The following ADAMTS2 variants were observed in gnomAD, a reference collection of about 807,000 sequenced individuals.
ADAMTS2 encodes the protein ADAM metallopeptidase with thrombospondin type 1 motif 2.
In ADAMTS2, 50 loss-of-function variants were observed where a neutral mutation model predicts 123.0. That is an observed-to-expected ratio of 0.41 (90% CI 0.32 to 0.51). ADAMTS2 has a LOEUF of 0.51. Among genes scored for constraint, ADAMTS2 ranks in the 20% least tolerant of loss-of-function variants. The pLI is 0.35. For missense variants in ADAMTS2, 1,494 were observed against 1,705.2 expected, an observed-to-expected ratio of 0.88 and a Z score of 2.18; for synonymous variants, 678 against 695.4, an observed-to-expected ratio of 0.98 and a Z score of 0.39.
Position 179,228,304 on chromosome 5 carries a change from A to G in ADAMTS2, c.689-20589T>C, listed in dbSNP as rs1008614992. ...ACAAGTAAGACACATAGAAAACCTG[A>G]GGCCCACAGAGGTGACAGGAACGGG... On this transcript the variant is annotated intron_variant, in intron 3 of 21. Coordinates refer to ENST00000251582, the MANE Select transcript of ADAMTS2 (RefSeq NM_014244.5). This position sits in a 1 kb window ranked among gnomAD's most constrained non-coding sequence, Gnocchi z 5.2. Among the ~76,000 whole-genome samples, 5 of 152,210 alleles carry G rather than the reference A, an allele frequency of 3.3e-5. No individual in the cohort carries two copies. The highest frequency in any genetic ancestry group is 1.2e-4 in the African/African-American group (5 of 41,466).
rs146217716 is a variant in ADAMTS2, at chr5:179,272,944, G to A, written c.655C>T (p.Pro219Ser). The change falls in exon 3 of 22, where the codon CCT becomes TCT. Residue 219 changes from proline to serine, a missense_variant. Transcript: ENST00000251582. The surrounding 1 kb of genome is among the most constrained non-coding windows in gnomAD (Gnocchi z 5.8). ...AGGGCCTGTGGCCCCCCGAGAGGAG[G>A]GGACGTGGGTGGCCGGCGATACACC... ...HVVYRRPPTSPPLGGPQALDT... is the reference protein window; with the variant it reads ...HVVYRRPPTSSPLGGPQALDT... The A allele has an allele frequency of 4.1e-5, 66 of 1,611,724 alleles. No individual in the cohort carries two copies. The highest frequency in any genetic ancestry group is 5.3e-5 in the Non-Finnish European group (63 of 1,179,994).
At chr5:179,154,327 CACCG>C (rs1369173743) in intron 7 of ADAMTS2, 135 bp from the exon 8 acceptor site, 27 of 1,269,574 alleles carry the variant, frequency 2.1e-5, no homozygotes, top group Non-Finnish European at 2.7e-5. Context: ...AGCCGGGTGG[CACCG>C]ACCATCTACC....
At chr5:179,247,615 C>T (rs1765831220) in intron 3 of ADAMTS2, among the ~76,000 whole-genome samples, 1 of 152,116 alleles carries the variant, frequency 6.6e-6, no homozygotes, top group South Asian at 2.1e-4. Flanking sequence ...AAAAGAGAGT[C>T]TTGAAATCCA....
At chr5:179,267,005 C>T (rs911383610) in intron 3 of ADAMTS2, among the ~76,000 whole-genome samples, 1 of 152,186 alleles carries the variant, frequency 6.6e-6, no homozygotes, top group Non-Finnish European at 1.5e-5. Flanking sequence ...GGGCGCCATC[C>T]CCACCTTGGG....
In ADAMTS2 at chr5:179,132,367, C is replaced by T. The variant is rs1243530036; in HGVS notation, c.2210-57G>A. 9.7e-6 allele frequency: 15 copies of T among 1,544,262 alleles called. No individual in the cohort carries two copies. The Admixed American group carries it at 1.0e-4, about 10-fold the overall frequency. ...GAGAAGGGAAGGCGCCGCTCAAATT[C>T]GCACCATGCAAGGAGGGGCCTCGCT... On this transcript the variant is annotated intron_variant, in intron 14 of 21. Coordinates refer to ENST00000251582, the MANE Select transcript of ADAMTS2 (RefSeq NM_014244.5). This position sits in a 1 kb window ranked among gnomAD's most constrained non-coding sequence, Gnocchi z 6.1.
intron 3 of ADAMTS2, among the ~76,000 whole-genome samples, chr5:179,254,734 A>G (rs1357496662): frequency 6.6e-6 from 1 of 152,224 alleles, no homozygotes; most frequent in South Asian, 2.1e-4. Flanking sequence ...GATGGCGTCA[A>G]AGATGCACAG....
intron 2 of ADAMTS2, among the ~76,000 whole-genome samples, chr5:179,295,868 G>A (rs458267): frequency 5.9e-5 from 9 of 152,234 alleles, no homozygotes; most frequent in African/African-American, 2.2e-4. Flanking sequence ...GAAACCACTA[G>A]TGGGGCCTGT....
At chr5:179,265,954 C>T (rs74611093) in intron 3 of ADAMTS2, among the ~76,000 whole-genome samples, 158 of 152,348 alleles carry the variant, frequency 1.0e-3, no homozygotes, top group African/African-American at 3.7e-3. Flanking sequence ...AGCGCCGAGG[C>T]GCTGAACTCA....
chr5:179,209,550 A>ACACACACGCACACACACACG (rs1491504951), intron 3 of ADAMTS2, among the ~76,000 whole-genome samples: 1 of 149,192 alleles, frequency 6.7e-6, no homozygotes, highest in African/African-American at 2.6e-5. Context: ...ACACACATGT[A>ACACACACGCACACACACACG]CACACACACA....
chr5:179,204,926 T>C (rs539326698), intron 4 of ADAMTS2, among the ~76,000 whole-genome samples: 1 of 152,232 alleles, frequency 6.6e-6, no homozygotes, highest in Non-Finnish European at 1.5e-5. Flanking sequence ...TGCTCACTTC[T>C]GTGCAACAGG....
At position 179,308,949 on chromosome 5, in the gene ADAMTS2, T is replaced by C. The variant is rs1224399766; in HGVS notation, c.534+34818A>G. Among the ~76,000 whole-genome samples the C allele has an allele frequency of 1.3e-5, 2 of 152,144 alleles. No individual in the cohort carries two copies. The highest frequency in any genetic ancestry group is 2.9e-5 in the Non-Finnish European group (2 of 68,016). ...TCTTCTAGGAGGACAGGCCAGGCCA[T>C]GGTGAGGCCCTGGGTCCAGGGAAAG... On this transcript the variant is annotated intron_variant, in intron 2 of 21. Coordinates refer to ENST00000251582, the MANE Select transcript of ADAMTS2 (RefSeq NM_014244.5). The surrounding 1 kb of genome is among the most constrained non-coding windows in gnomAD (Gnocchi z 6.6).
chr5:179,160,387 G>A (rs1265718669), intron 5 of ADAMTS2, among the ~76,000 whole-genome samples: 3 of 152,180 alleles, frequency 2.0e-5, no homozygotes, highest in Non-Finnish European at 4.4e-5. Context: ...GGAGGTGGAG[G>A]TTGCAGTGAG....
At chr5:179,193,608 A>G (rs960764664) in intron 4 of ADAMTS2, among the ~76,000 whole-genome samples, 1 of 152,184 alleles carries the variant, frequency 6.6e-6, no homozygotes, top group Non-Finnish European at 1.5e-5. Flanking sequence ...ACACCCACAG[A>G]TAGAGTTCAT....
Position 179,129,938 on chromosome 5 carries a change from G to A in ADAMTS2, c.2451C>T (p.Thr817=), listed in dbSNP as rs138564815. Residue 817 remains threonine, a synonymous_variant, in exon 16 of 22, where the codon ACC becomes ACT. Transcript: ENST00000251582. This position sits in a 1 kb window ranked among gnomAD's most constrained non-coding sequence, Gnocchi z 4.1. ...QTMGPLHGTI[T]VLVIPVGDTR... Reference sequence around the variant, plus strand: ...CAGCCCTGCTTGGACTCACCAGAACGGTGATGGTGCCGTGGAGGGGGCCCA... The same window carrying A: ...CAGCCCTGCTTGGACTCACCAGAACAGTGATGGTGCCGTGGAGGGGGCCCA... 2.4e-5 allele frequency: 39 copies of A among 1,613,758 alleles called. No homozygotes were observed. Among genetic ancestry groups the A allele is most frequent in the Non-Finnish European group, 3.1e-5 (37 of 1,180,020 alleles).
intron 9 of ADAMTS2, among the ~76,000 whole-genome samples, chr5:179,152,474 C>G (rs1220332483): frequency 6.6e-6 from 1 of 152,162 alleles, no homozygotes; most frequent in Non-Finnish European, 1.5e-5. Flanking sequence ...CTCTCTGCCT[C>G]CAGTCTTTGG....
At chr5:179,179,833 A>C (rs1764006750) in intron 5 of ADAMTS2, among the ~76,000 whole-genome samples, 1 of 152,114 alleles carries the variant, frequency 6.6e-6, no homozygotes, top group African/African-American at 2.4e-5. Context: ...GTGCCTTATA[A>C]GTTGTATGCA....
At chr5:179,201,890 G>T (rs1764576154) in intron 4 of ADAMTS2, among the ~76,000 whole-genome samples, 1 of 152,136 alleles carries the variant, frequency 6.6e-6, no homozygotes, top group Non-Finnish European at 1.5e-5. Flanking sequence ...GATGTAAGGA[G>T]GAAGATAAGA....
chr5:179,314,329 G>A lies in ADAMTS2; in HGVS notation c.534+29438C>T, dbSNP rs1291299522. ...TGGGCCTCAGCCTCCTGGCTGCCAC[G>A]TCTCACTGGGAGCTGGGCGGCCGCC... is the stretch of plus-strand genomic sequence containing the variant. On this transcript the variant is annotated intron_variant, in intron 2 of 21. Transcript: ENST00000251582. The surrounding 1 kb of genome is among the most constrained non-coding windows in gnomAD (Gnocchi z 4.5). Among the ~76,000 whole-genome samples, 3 of 152,212 alleles carry A rather than the reference G, an allele frequency of 2.0e-5. No homozygotes were observed. The highest frequency in any genetic ancestry group is 1.9e-4 in the East Asian group (1 of 5,188).
At chr5:179,327,361 C>T (rs1581279280) in intron 2 of ADAMTS2, among the ~76,000 whole-genome samples, 1 of 152,162 alleles carries the variant, frequency 6.6e-6, no homozygotes, top group Admixed American at 6.5e-5. Flanking sequence ...TACTCGCCAG[C>T]CTTCTCCTGA....
Sources: allele counts gnomAD v4.1 joint callset (sites outside exome capture counted in the v4.1 genomes callset), GRCh38; gene constraint gnomAD v4.1.1; non-coding constraint Gnocchi (gnomAD v3.1); transcripts MANE v1.5; gene names NCBI Gene and HGNC (gene_info 2026-07-23, HGNC 2026-07-21).